Variants in PITPNA observed in about 807,000 individuals in gnomAD.
PITPNA encodes phosphatidylinositol transfer protein alpha.
Under a neutral mutation model 50.3 loss-of-function variants are expected in PITPNA, and 13 were observed. The observed-to-expected ratio is 0.26, with a 90% CI of 0.17 to 0.41. The LOEUF is 0.41. Among genes scored for constraint, PITPNA ranks in the 10% least tolerant of loss-of-function variants. The probability of loss-of-function intolerance (pLI) is 1.00; values close to 1 mark genes in which losing one functional copy is unlikely to be tolerated. For missense variants in PITPNA, 207 were observed against 333.4 expected (o/e 0.62, Z 2.95); for synonymous variants, 120 against 119.6 (o/e 1.00, Z -0.02).
chr17:1,558,023 G>A (rs2151014810), intron 2 of PITPNA, among the ~76,000 whole-genome samples: 1 of 152,272 alleles, frequency 6.6e-6, no homozygotes, highest in African/African-American at 2.4e-5. Context: ...TTGAGGTCGG[G>A]AGTTTGAGAC....
At chr17:1,527,549 G>T (rs753263035) in intron 10 of PITPNA, among the ~76,000 whole-genome samples, 1 of 152,080 alleles carries the variant, frequency 6.6e-6, no homozygotes, top group East Asian at 1.9e-4. Context: ...GCCCTGGTTT[G>T]TTTTTGTTTT....
chr17:1,521,138 T>C (rs1423078571), intron 11 of PITPNA, among the ~76,000 whole-genome samples: 1 of 152,078 alleles, frequency 6.6e-6, no homozygotes, highest in Non-Finnish European at 1.5e-5. Context: ...AAGAAGGAAA[T>C]GAAGCACCAG....
chr17:1,543,439 A>G (rs1457909878), intron 4 of PITPNA, among the ~76,000 whole-genome samples: 1 of 152,150 alleles, frequency 6.6e-6, no homozygotes, highest in Non-Finnish European at 1.5e-5. Context: ...CATGCACTGT[A>G]TCTGCCTCCT....
intron 2 of PITPNA, 78 bp from the exon 3 acceptor site, chr17:1,553,227 T>A: frequency 1.4e-6 from 2 of 1,467,936 alleles, no homozygotes; most frequent in Admixed American, 1.7e-5. Context: ...CCAGTAAGTG[T>A]CTAACTGGAT....
At chr17:1,554,396 T>G (rs1211293644) in intron 2 of PITPNA, among the ~76,000 whole-genome samples, 1 of 137,608 alleles carries the variant, frequency 7.3e-6, no homozygotes, top group Non-Finnish European at 1.6e-5. Context: ...CTCTATTTTT[T>G]TTTTTTTTTT....
intron 2 of PITPNA, among the ~76,000 whole-genome samples, chr17:1,555,326 G>A (rs772813866): frequency 2.0e-5 from 3 of 152,170 alleles, no homozygotes; most frequent in Non-Finnish European, 4.4e-5. Context: ...GACAAGTGAA[G>A]GCAGTTTTGT....
chr17:1,539,173 T>G (rs1364583880), intron 6 of PITPNA, among the ~76,000 whole-genome samples: 1 of 152,150 alleles, frequency 6.6e-6, no homozygotes, highest in African/African-American at 2.4e-5. Flanking sequence ...GCAATGGCTA[T>G]CCACAGGAGT....
intron 1 of PITPNA, 95 bp from the exon 2 acceptor site, chr17:1,558,654 T>C (rs1387604628): frequency 1.7e-5 from 15 of 877,406 alleles, no homozygotes; most frequent in South Asian, 1.6e-4. Flanking sequence ...CAGCATTCTA[T>C]TGTGTAAGAC....
intron 3 of PITPNA, among the ~76,000 whole-genome samples, chr17:1,550,951 G>A (rs562306344): frequency 5.3e-5 from 8 of 152,328 alleles, no homozygotes; most frequent in African/African-American, 1.4e-4. Context: ...TGTTGGAGAC[G>A]CTGAGGAGAT....
intron 10 of PITPNA, among the ~76,000 whole-genome samples, chr17:1,528,865 T>A (rs1301553853): frequency 6.6e-6 from 1 of 151,934 alleles, no homozygotes; most frequent in African/African-American, 2.4e-5. Context: ...TGGCTGGGCA[T>A]GGTGGCTCAC....
At chr17:1,523,673 A>C (rs72477066) in intron 10 of PITPNA, among the ~76,000 whole-genome samples, 15,737 of 150,890 alleles carry the variant, frequency 0.1, 933 homozygotes, top group East Asian at 0.14. Context: ...ATGCCTGGCT[A>C]ATTTTTTTTT....
At chr17:1,547,650 A>C (rs1436203841) in intron 4 of PITPNA, among the ~76,000 whole-genome samples, 5 of 148,624 alleles carry the variant, frequency 3.4e-5, no homozygotes, top group African/African-American at 1.2e-4. Context: ...GCTCCATCTC[A>C]AAAAAAAAAT....
intron 1 of PITPNA, among the ~76,000 whole-genome samples, chr17:1,561,826 C>T (rs1395753451): frequency 6.6e-6 from 1 of 152,152 alleles, no homozygotes; most frequent in Non-Finnish European, 1.5e-5. Flanking sequence ...CACCCGATGC[C>T]TAAGGCGGCC....
At chr17:1,543,813 A>G (rs547074778) in intron 4 of PITPNA, among the ~76,000 whole-genome samples, 2 of 152,336 alleles carry the variant, frequency 1.3e-5, no homozygotes, top group East Asian at 3.9e-4. Context: ...TAATTCCCCC[A>G]TACCCAACGA....
intron 2 of PITPNA, among the ~76,000 whole-genome samples, chr17:1,558,240 A>AC (rs1475911471): frequency 6.6e-6 from 1 of 151,470 alleles, no homozygotes; most frequent in African/African-American, 2.4e-5. Flanking sequence ...CAAAAAAAAA[A>AC]AAAAAAAAGG....
At chr17:1,525,209 C>CA (rs1433148029) in intron 10 of PITPNA, among the ~76,000 whole-genome samples, 6 of 151,720 alleles carry the variant, frequency 4.0e-5, no homozygotes, top group Admixed American at 2.6e-4. Flanking sequence ...AGGCTGGTCT[C>CA]AAACTTCTGA....
At chr17:1,539,412 A>T (rs1481565066) in intron 6 of PITPNA, among the ~76,000 whole-genome samples, 76 of 109,014 alleles carry the variant, frequency 7.0e-4, no homozygotes, top group Middle Eastern at 9.4e-3. Flanking sequence ...TCCTCCTGTC[A>T]CAGCCTCCTG....
intron 10 of PITPNA, among the ~76,000 whole-genome samples, chr17:1,525,824 T>A (rs1165516597): frequency 1.3e-5 from 2 of 152,226 alleles, no homozygotes; most frequent in African/African-American, 4.8e-5. Context: ...GGCCAGCTTG[T>A]CATATTTTTA....
chr17:1,552,867 T>C, intron 3 of PITPNA, 137 bp downstream of exon 3: 1 of 869,020 alleles, frequency 1.2e-6, no homozygotes, highest in African/African-American at 1.7e-5. Flanking sequence ...ATAACATTTA[T>C]ACAGTCAGTA....
Sources: allele counts gnomAD v4.1 joint callset (sites outside exome capture counted in the v4.1 genomes callset), GRCh38; gene constraint gnomAD v4.1.1; transcripts MANE v1.5; gene names NCBI Gene and HGNC (gene_info 2026-07-23, HGNC 2026-07-21).